Variants in NDUFA10 observed in about 807,000 individuals in gnomAD.
NDUFA10 encodes the protein NADH dehydrogenase [ubiquinone] 1 alpha subcomplex subunit 10, mitochondrial.
Under a neutral mutation model 47.8 loss-of-function variants are expected in NDUFA10, and 40 were observed. That is an observed-to-expected ratio of 0.84 (90% confidence interval 0.65 to 1.09). The LOEUF is 1.09. Ranked by LOEUF, NDUFA10 falls within the 50% of genes least tolerant of loss-of-function variation. The probability of loss-of-function intolerance (pLI) is 0.00; values close to 1 mark genes in which losing one functional copy is unlikely to be tolerated. For missense variants in NDUFA10, 413 were observed against 451.1 expected (o/e 0.92, Z 0.76); for synonymous variants, 183 against 172.2 (o/e 1.06, Z -0.49).
intron 6 of NDUFA10, among the ~76,000 whole-genome samples, chr2:240,010,738 T>C (rs1351364679): frequency 2.0e-5 from 3 of 152,216 alleles, no homozygotes; most frequent in Non-Finnish European, 4.4e-5. Context: ...TCACTTTTGA[T>C]TTTATTATTA....
intron 4 of NDUFA10, among the ~76,000 whole-genome samples, chr2:239,931,338 C>T (rs1694170413): frequency 6.6e-6 from 1 of 152,222 alleles, no homozygotes; most frequent in Admixed American, 6.5e-5. Context: ...CTCACACAGC[C>T]CCCTCCCTCT....
rs1490231934 is a variant in NDUFA10 at position 240,016,340 on chromosome 2, G to A, written c.548-1480C>T. On this transcript the variant is annotated intron_variant, in intron 4 of 9. Coordinates refer to ENST00000252711, the MANE Select transcript of NDUFA10 (RefSeq NM_004544.4). This position sits in a 1 kb window ranked among gnomAD's most constrained non-coding sequence, Gnocchi z 4.4. ...CAGGCCGGTCTCTCCTGCTGCTGAG[G>A]TGAAACCTCCCTTCACCGAGTCTGC... Among the ~76,000 whole-genome samples, 1 of 152,142 alleles carries A rather than the reference G, an allele frequency of 6.6e-6. No homozygotes were observed. Among genetic ancestry groups the A allele is most frequent in the Non-Finnish European group, 1.5e-5 (1 of 68,020 alleles).
chr2:239,908,133 A>G (rs1325226831), intron 4 of NDUFA10, among the ~76,000 whole-genome samples: 3 of 152,194 alleles, frequency 2.0e-5, no homozygotes, highest in African/African-American at 4.8e-5. Flanking sequence ...CATTCTGAGC[A>G]AACTATCGCA....
chr2:239,958,930 T>C lies in NDUFA10; in HGVS notation c.*2188A>G, dbSNP rs900616226. The C allele has an allele frequency of 1.0e-6, 1 of 985,178 alleles. No homozygotes were observed. Among genetic ancestry groups the C allele is most frequent in the African/African-American group, 1.7e-5 (1 of 57,236 alleles). 61.0% of individuals were successfully genotyped at this position (985,178 alleles called of 1,614,324 possible). A position where few individuals can be genotyped will look rare whatever the true frequency, so the allele number is the denominator to read the frequency against. On this transcript the variant is annotated 3_prime_UTR_variant, in exon 10 of 10. Transcript: ENST00000252711. ...GGAAAATGCACGATTATTTTGATCCTGGTTTGTTGGTGCTGTTGTTTTAGT... is the reference window on the plus strand; with the variant it reads ...GGAAAATGCACGATTATTTTGATCCCGGTTTGTTGGTGCTGTTGTTTTAGT...
intron 4 of NDUFA10, chr2:240,017,730 G>T: frequency 1.8e-6 from 2 of 1,091,050 alleles, no homozygotes; most frequent in Non-Finnish European, 2.7e-6. Context: ...GTGCTCTTGC[G>T]GGCGGCAAGC....
chr2:239,931,042 C>T (rs995957779), intron 4 of NDUFA10, among the ~76,000 whole-genome samples: 9 of 152,056 alleles, frequency 5.9e-5, no homozygotes, highest in African/African-American at 1.4e-4. Context: ...TTTTTAGGGC[C>T]GTGGGAGCCT....
chr2:239,939,133 G>A (rs920167995), intron 4 of NDUFA10, among the ~76,000 whole-genome samples: 19 of 152,294 alleles, frequency 1.2e-4, no homozygotes, highest in South Asian at 6.2e-4. Context: ...TCGGACCCGC[G>A]GACAGTCAGG....
chr2:239,995,131 A>C (rs1696415533), intron 8 of NDUFA10, among the ~76,000 whole-genome samples: 1 of 152,106 alleles, frequency 6.6e-6, no homozygotes, highest in African/African-American at 2.4e-5. Flanking sequence ...AAAATTAGCC[A>C]GGTGTGGTGG....
chr2:240,001,772 T>C (rs897198402), intron 8 of NDUFA10, among the ~76,000 whole-genome samples: 19 of 152,258 alleles, frequency 1.2e-4, no homozygotes, highest in African/African-American at 4.3e-4. Flanking sequence ...ACACTGACTT[T>C]GCAACAAAAA....
At chr2:239,979,731 C>A (rs953008924) in intron 9 of NDUFA10, among the ~76,000 whole-genome samples, 5 of 152,122 alleles carry the variant, frequency 3.3e-5, no homozygotes, top group African/African-American at 1.2e-4. Context: ...GCAGAGCAAC[C>A]CTTTAAACCT....
chr2:239,973,678 C>T, intron 9 of NDUFA10: 2 of 455,742 alleles, frequency 4.4e-6, no homozygotes, highest in South Asian at 3.3e-5. Flanking sequence ...AAATAGAAAC[C>T]AAATCACAGT....
chr2:239,937,698 C>T (rs74002029), intron 4 of NDUFA10, among the ~76,000 whole-genome samples: 2,449 of 152,282 alleles, frequency 0.016, 74 homozygotes, highest in African/African-American at 0.057. Flanking sequence ...TGCTCTTGAG[C>T]TGATCCTGAT....
intron 4 of NDUFA10, among the ~76,000 whole-genome samples, chr2:239,935,483 T>A (rs1694250606): frequency 6.6e-6 from 1 of 152,124 alleles, no homozygotes; most frequent in Admixed American, 6.5e-5. Context: ...TCTGCATTTG[T>A]CCCCATCGCT....
At chr2:239,921,470 T>C (rs1361309049) in intron 4 of NDUFA10, among the ~76,000 whole-genome samples, 1 of 152,160 alleles carries the variant, frequency 6.6e-6, no homozygotes, top group Non-Finnish European at 1.5e-5. Context: ...CAGAGTGCCC[T>C]TTTTTCAATC....
intron 3 of NDUFA10, among the ~76,000 whole-genome samples, chr2:240,020,137 G>GA (rs1291468634): frequency 6.6e-6 from 1 of 152,212 alleles, no homozygotes; most frequent in Non-Finnish European, 1.5e-5. Context: ...CATAGGCAGC[G>GA]GCTCCTAGCT....
intron 8 of NDUFA10, among the ~76,000 whole-genome samples, chr2:239,996,201 A>T (rs1234807297): frequency 6.6e-6 from 1 of 152,208 alleles, no homozygotes; most frequent in African/African-American, 2.4e-5. Context: ...AATCGGCTCG[A>T]TCTGACATTT....
intron 4 of NDUFA10, among the ~76,000 whole-genome samples, chr2:239,946,471 G>C (rs1244974617): frequency 6.6e-6 from 1 of 152,194 alleles, no homozygotes; most frequent in East Asian, 1.9e-4. Context: ...GGCCCTCCCC[G>C]CAGGCACTGC....
chr2:239,901,115 C>T (rs1305108569), intron 4 of NDUFA10, among the ~76,000 whole-genome samples: 1 of 152,216 alleles, frequency 6.6e-6, no homozygotes, highest in Non-Finnish European at 1.5e-5. Flanking sequence ...AGGGGCATTA[C>T]GCTGTGCCTT....
At chr2:240,024,014 A>G (rs1199346118) in intron 1 of NDUFA10, among the ~76,000 whole-genome samples, 1 of 152,198 alleles carries the variant, frequency 6.6e-6, no homozygotes, top group Non-Finnish European at 1.5e-5. Flanking sequence ...CAGAGCAACA[A>G]GGAGAGCCTT....
Sources: gnomAD v4.1 joint callset for allele counts (sites outside exome capture counted in the v4.1 genomes callset) on GRCh38, gnomAD v4.1.1 for gene constraint, Gnocchi (gnomAD v3.1) non-coding constraint, MANE v1.5 for transcripts, NCBI Gene and HGNC (gene_info 2026-07-23, HGNC 2026-07-21) for gene names.